PCDHGA7: variants seen among roughly 807,000 people sequenced by gnomAD.
PCDHGA7 encodes the protein protocadherin gamma-A7.
PCDHGA7 carries 44 observed loss-of-function variants against 58.3 expected under a neutral mutation model. The observed-to-expected ratio is 0.75, with a 90% CI of 0.59 to 0.97. The LOEUF is 0.97. Among genes scored for constraint, PCDHGA7 ranks in the 50% least tolerant of loss-of-function variants. The pLI is 0.00. For missense variants in PCDHGA7, 1,266 were observed against 1,188.7 expected, an observed-to-expected ratio of 1.06 and a Z score of -0.96; for synonymous variants, 516 against 504.2, an observed-to-expected ratio of 1.02 and a Z score of -0.31.
intron 1 of PCDHGA7, among the ~76,000 whole-genome samples, chr5:141,473,922 A>T (rs1025156251): frequency 2.0e-5 from 3 of 152,182 alleles, no homozygotes; most frequent in South Asian, 2.1e-4. Flanking sequence ...GAAAACTATG[A>T]GCTGGGTGCA....
intron 1 of PCDHGA7, chr5:141,404,341 AAAC>A (rs769977252): frequency 6.2e-7 from 1 of 1,613,966 alleles, no homozygotes; most frequent in Non-Finnish European, 8.5e-7. Flanking sequence ...ACCTCCCGGA[AAAC>A]AACGCCAGAG....
At chr5:141,464,189 C>T (rs1215955823) in intron 1 of PCDHGA7, among the ~76,000 whole-genome samples, 1 of 150,620 alleles carries the variant, frequency 6.6e-6, no homozygotes, top group Non-Finnish European at 1.5e-5. Context: ...TGCTTGATTT[C>T]AGGAGGCGGA....
Position 141,486,662 on chromosome 5 carries a change from C to T in PCDHGA7, c.2425-8145C>T. 6.2e-7 allele frequency: 1 copy of T among 1,613,970 alleles called. No homozygotes were observed. The highest frequency in any genetic ancestry group is 1.1e-5 in the South Asian group (1 of 91,086). ...GCTTATCTCCTACTCACTCCTGGAG[C>T]CCAGGAATCGAGATGTATCAGCTTC... On this transcript the variant is annotated intron_variant, in intron 1 of 3. Coordinates refer to ENST00000518325, the MANE Select transcript of PCDHGA7 (RefSeq NM_018920.4). The surrounding 1 kb of genome is among the most constrained non-coding windows in gnomAD (Gnocchi z 5.0).
At chr5:141,403,171 G>C (rs542727163) in intron 1 of PCDHGA7, 1 of 1,614,042 alleles carries the variant, frequency 6.2e-7, no homozygotes, top group Admixed American at 1.7e-5. Flanking sequence ...GTAGGACGCA[G>C]CTTTTCTCTC....
Position 141,425,378 on chromosome 5 carries a change from C to T in PCDHGA7, c.2424+40055C>T, listed in dbSNP as rs372445707. Among the ~76,000 whole-genome samples the T allele has an allele frequency of 1.6e-4, 25 of 152,174 alleles. 1 individual carries two copies. The highest frequency in any genetic ancestry group is 3.9e-4 in the African/African-American group (16 of 41,522). On this transcript the variant is annotated intron_variant, in intron 1 of 3. Transcript: ENST00000518325. ...TGATATTAAGAGGGTTATGTTGATTCGGAGGTAGTGATAAAGTTCTGTTAA... is the reference window on the plus strand; with the variant it reads ...TGATATTAAGAGGGTTATGTTGATTTGGAGGTAGTGATAAAGTTCTGTTAA...
At position 141,489,378 on chromosome 5, in the gene PCDHGA7, G is replaced by A. The variant is rs1562129701; in HGVS notation, c.2425-5429G>A. ...AGTCTGAGCCGGGGACGCTGGTGGGGAATGTTGCTCAGGATCTGGGCTTAA... is the reference window on the plus strand; with the variant it reads ...AGTCTGAGCCGGGGACGCTGGTGGGAAATGTTGCTCAGGATCTGGGCTTAA... On this transcript the variant is annotated intron_variant, in intron 1 of 3. Coordinates refer to ENST00000518325, the MANE Select transcript of PCDHGA7 (RefSeq NM_018920.4). The surrounding 1 kb of genome is among the most constrained non-coding windows in gnomAD (Gnocchi z 4.5). 1.2e-6 allele frequency: 2 copies of A among 1,613,908 alleles called. No homozygotes were observed. The highest frequency in any genetic ancestry group is 3.3e-5 in the Admixed American group (2 of 60,026).
At chr5:141,389,266 A>C in intron 1 of PCDHGA7, 1 of 1,614,022 alleles carries the variant, frequency 6.2e-7, no homozygotes, top group Non-Finnish European at 8.5e-7. Flanking sequence ...CACGTGGCCG[A>C]GAACAACCCG....
chr5:141,400,003 C>T, intron 1 of PCDHGA7: 5 of 1,612,396 alleles, frequency 3.1e-6, no homozygotes, highest in Non-Finnish European at 4.2e-6. Flanking sequence ...GCGCACAGCG[C>T]GTGCCTTGGG....
At chr5:141,456,217 A>G (rs1328039447) in intron 1 of PCDHGA7, among the ~76,000 whole-genome samples, 1 of 152,064 alleles carries the variant, frequency 6.6e-6, no homozygotes, top group East Asian at 1.9e-4. Context: ...CCCTGTGGCG[A>G]TATCAAACTA....
intron 1 of PCDHGA7, chr5:141,399,373 G>A: frequency 6.2e-7 from 1 of 1,613,982 alleles, no homozygotes; most frequent in Non-Finnish European, 8.5e-7. Flanking sequence ...GGAGTACAAT[G>A]TCACCATCAC....
intron 2 of PCDHGA7, among the ~76,000 whole-genome samples, chr5:141,495,233 A>G (rs1226612093): frequency 1.3e-5 from 2 of 152,196 alleles, no homozygotes; most frequent in African/African-American, 4.8e-5. Flanking sequence ...GCTGGGCTCC[A>G]TTATGACCTG....
At chr5:141,458,735 A>G (rs2098952642) in intron 1 of PCDHGA7, among the ~76,000 whole-genome samples, 1 of 148,560 alleles carries the variant, frequency 6.7e-6, no homozygotes, top group East Asian at 2.0e-4. Context: ...ACATCCAGCT[A>G]TTGGTTTTGG....
Position 141,400,079 on chromosome 5 carries a change from C to G in PCDHGA7, c.2424+14756C>G, listed in dbSNP as rs1377742612. On this transcript the variant is annotated intron_variant, in intron 1 of 3. Coordinates refer to ENST00000518325, the MANE Select transcript of PCDHGA7 (RefSeq NM_018920.4). ...CGTGATGGTGGACAGCCGCCACTCT[C>G]CGCCACCGCCACGCTGCACTTGGTC... 2.5e-6 allele frequency: 4 copies of G among 1,613,924 alleles called. No individual in the cohort carries two copies. In the East Asian group the frequency reaches 6.7e-5, roughly 27 times the overall value.
At position 141,383,304 on chromosome 5, in the gene PCDHGA7, G is replaced by T. The variant is rs1779007855; in HGVS notation, c.405G>T (p.Thr135=). Residue 135 remains threonine, a synonymous_variant, in exon 1 of 4, where the codon ACG becomes ACT. Transcript: ENST00000518325. ...DINDNVPRFL[T]EEINVKIMEN... is the part of the protein sequence containing the mutation. ...ATGACAACGTTCCAAGATTCTTGAC[G>T]GAAGAAATAAATGTAAAAATAATGG... The T allele has an allele frequency of 6.2e-7, 1 of 1,613,800 alleles. No individual in the cohort carries two copies.
chr5:141,477,043 G>A lies in PCDHGA7; in HGVS notation c.2425-17764G>A. The A allele has an allele frequency of 6.2e-7, 1 of 1,614,260 alleles. No individual in the cohort carries two copies. Among genetic ancestry groups the A allele is most frequent in the Middle Eastern group, 1.6e-4 (1 of 6,062 alleles). On this transcript the variant is annotated intron_variant, in intron 1 of 3. Coordinates refer to ENST00000518325, the MANE Select transcript of PCDHGA7 (RefSeq NM_018920.4). This position sits in a 1 kb window ranked among gnomAD's most constrained non-coding sequence, Gnocchi z 4.9. The stretch of plus-strand genomic sequence containing the variant: ...CCGGGATGCTGACAATCAAGGGTCG[G>A]CTGGACTTCGAGGACACCAAACTCC...
At chr5:141,416,698 A>G (rs2096053724) in intron 1 of PCDHGA7, 1 of 152,250 alleles carries the variant, frequency 6.6e-6, no homozygotes, top group Non-Finnish European at 1.5e-5. Context: ...TAAACAAAGG[A>G]TCATTGGAGG....
rs1245526846 is a variant in PCDHGA7, at chr5:141,512,505, C to T, written c.*1332C>T. ...GCCACTGCCCAGGTCCCCAGTGCGCCCCCTAGTGGCCATAGCCTGGTTAAA... is the reference window on the plus strand; with the variant it reads ...GCCACTGCCCAGGTCCCCAGTGCGCTCCCTAGTGGCCATAGCCTGGTTAAA... On this transcript the variant is annotated 3_prime_UTR_variant, in exon 4 of 4. Transcript: ENST00000518325. The T allele has an allele frequency of 1.3e-5, 2 of 152,888 alleles. No individual in the cohort carries two copies. The highest frequency in any genetic ancestry group is 4.8e-5 in the African/African-American group (2 of 41,466). 9.5% of individuals were successfully genotyped at this position (152,888 alleles called of 1,614,324 possible). A position where few individuals can be genotyped will look rare whatever the true frequency, so the allele number is the denominator to read the frequency against.
At chr5:141,463,168 T>C (rs74924211) in intron 1 of PCDHGA7, among the ~76,000 whole-genome samples, 6,974 of 152,254 alleles carry the variant, frequency 0.046, 178 homozygotes, top group Middle Eastern at 0.082. Context: ...GTGCACTCTA[T>C]GTATGCTCAG....
intron 1 of PCDHGA7, among the ~76,000 whole-genome samples, chr5:141,450,726 A>G (rs1302961852): frequency 2.0e-5 from 3 of 151,932 alleles, no homozygotes; most frequent in Admixed American, 2.0e-4. Flanking sequence ...ACCTCAGGTG[A>G]TCCGCCCGCC....
Sources: allele counts gnomAD v4.1 joint callset (sites outside exome capture counted in the v4.1 genomes callset), GRCh38; gene constraint gnomAD v4.1.1; non-coding constraint Gnocchi (gnomAD v3.1); transcripts MANE v1.5; gene names NCBI Gene and HGNC (gene_info 2026-07-23, HGNC 2026-07-21).